The following ENOX1 variants were observed in gnomAD, a reference collection of about 807,000 sequenced individuals.
ENOX1 encodes ecto-NOX disulfide-thiol exchanger 1.
ENOX1 carries 42 observed loss-of-function variants against 82.5 expected under a neutral mutation model. The observed-to-expected ratio is 0.51, with a 90% CI of 0.40 to 0.66. ENOX1 has a LOEUF of 0.66. Ranked by LOEUF, ENOX1 falls within the 30% of genes least tolerant of loss-of-function variation. The pLI is 0.00. For missense variants in ENOX1, 608 were observed against 811.6 expected (o/e 0.75, Z 3.05); for synonymous variants, 271 against 282.2 (o/e 0.96, Z 0.40).
intron 11 of ENOX1, among the ~76,000 whole-genome samples, chr13:43,307,724 G>A (rs2046946917): frequency 6.6e-6 from 1 of 152,176 alleles, no homozygotes; most frequent in Admixed American, 6.5e-5. Context: ...ATGACACTGT[G>A]ACTGAATGCT....
intron 5 of ENOX1, among the ~76,000 whole-genome samples, chr13:43,403,578 C>T (rs548623742): frequency 2.0e-5 from 3 of 152,282 alleles, no homozygotes; most frequent in Admixed American, 2.0e-4. Context: ...TGCAGTGGCT[C>T]ACACCTGTAA....
At chr13:43,564,496 T>C (rs2079832737) in intron 2 of ENOX1, among the ~76,000 whole-genome samples, 1 of 152,032 alleles carries the variant, frequency 6.6e-6, no homozygotes, top group Admixed American at 6.6e-5. Flanking sequence ...AGGCCTAAAA[T>C]AAACAAAATC....
chr13:43,625,311 CT>C (rs141912006), intron 2 of ENOX1, among the ~76,000 whole-genome samples: 1,744 of 152,024 alleles, frequency 0.011, 38 homozygotes, highest in African/African-American at 0.04. Flanking sequence ...CAGATAAAAA[CT>C]TTTTTTCTTC....
intron 3 of ENOX1, among the ~76,000 whole-genome samples, chr13:43,482,663 A>AC (rs397821556): frequency 6.6e-6 from 1 of 151,280 alleles, no homozygotes; most frequent in Non-Finnish European, 1.5e-5. Context: ...GAAAAAAAAA[A>AC]CTAAGAAAAA....
chr13:43,732,304 C>T (rs773054049), intron 1 of ENOX1, among the ~76,000 whole-genome samples: 2 of 152,190 alleles, frequency 1.3e-5, no homozygotes, highest in African/African-American at 4.8e-5. Flanking sequence ...GTCTTCCTCA[C>T]TCCTTATGAC....
At chr13:43,330,926 G>A (rs752283621) in intron 9 of ENOX1, among the ~76,000 whole-genome samples, 1 of 151,916 alleles carries the variant, frequency 6.6e-6, no homozygotes, top group Non-Finnish European at 1.5e-5. Flanking sequence ...AACTTTTTTT[G>A]CACTTTTCCC....
At chr13:43,300,486 C>G (rs916700659) in intron 11 of ENOX1, among the ~76,000 whole-genome samples, 1 of 152,102 alleles carries the variant, frequency 6.6e-6, no homozygotes, top group Non-Finnish European at 1.5e-5. Context: ...AAGATGAAAA[C>G]CCCAAGAACT....
chr13:43,332,176 G>GT lies in ENOX1; in HGVS notation c.1037-5652dup, dbSNP rs201814498. On this transcript the variant is annotated intron_variant, in intron 9 of 16. Transcript: ENST00000690772. ...TTGCTTTTAGGGCAGCATCCCCAAC[G>GT]TTTTTGGCACCAGGAAATGGTTCTG... Among the ~76,000 whole-genome samples the GT allele has an allele frequency of 4.6e-3, 696 of 152,232 alleles. 29 individuals carry two copies. The highest frequency in any genetic ancestry group is 0.04 in the Admixed American group (611 of 15,298).
intron 1 of ENOX1, among the ~76,000 whole-genome samples, chr13:43,745,050 C>G (rs1949946064): frequency 2.6e-5 from 4 of 152,152 alleles, no homozygotes. Context: ...TAGGAGTATG[C>G]TGGGCCTTGA....
At chr13:43,361,977 TAAA>T (rs10716300) in intron 5 of ENOX1, among the ~76,000 whole-genome samples, 37 of 128,610 alleles carry the variant, frequency 2.9e-4, no homozygotes, top group Non-Finnish European at 3.5e-4. Context: ...TCCCCTGGAA[TAAA>T]AAAAAAAAAA....
intron 16 of ENOX1, among the ~76,000 whole-genome samples, chr13:43,216,207 T>A (rs2041474573): frequency 6.6e-6 from 1 of 151,152 alleles, no homozygotes; most frequent in Non-Finnish European, 1.5e-5. Context: ...CAAAAAAAAA[T>A]GGGGACTTAA....
At chr13:43,373,554 T>C (rs193227507) in intron 5 of ENOX1, among the ~76,000 whole-genome samples, 2 of 152,282 alleles carry the variant, frequency 1.3e-5, no homozygotes, top group East Asian at 1.9e-4. Context: ...AATGATTATG[T>C]CTATTTTGAG....
intron 1 of ENOX1, among the ~76,000 whole-genome samples, chr13:43,757,952 TG>T: frequency 6.6e-6 from 1 of 152,012 alleles, no homozygotes; most frequent in Non-Finnish European, 1.5e-5. Context: ...CTCAACAGAT[TG>T]GCCGGGTGCG....
chr13:43,710,279 T>A (rs1205356395), intron 1 of ENOX1, among the ~76,000 whole-genome samples: 1 of 152,102 alleles, frequency 6.6e-6, no homozygotes, highest in African/African-American at 2.4e-5. Context: ...ATAACATATT[T>A]CCTAATAATT....
At chr13:43,463,578 C>A (rs1181743205) in intron 3 of ENOX1, among the ~76,000 whole-genome samples, 3 of 152,124 alleles carry the variant, frequency 2.0e-5, no homozygotes, top group African/African-American at 7.2e-5. Flanking sequence ...CTTCAAACAC[C>A]AGCAGACTGA....
intron 5 of ENOX1, among the ~76,000 whole-genome samples, chr13:43,408,710 G>A (rs182742149): frequency 1.3e-5 from 2 of 152,102 alleles, no homozygotes; most frequent in Non-Finnish European, 2.9e-5. Flanking sequence ...CATAAGAACT[G>A]AAACAATGTG....
chr13:43,680,947 G>A (rs887021635), intron 1 of ENOX1, among the ~76,000 whole-genome samples: 1 of 152,084 alleles, frequency 6.6e-6, no homozygotes, highest in African/African-American at 2.4e-5. Flanking sequence ...AGAGAATGGA[G>A]GTGTGAAGAA....
intron 14 of ENOX1, among the ~76,000 whole-genome samples, chr13:43,251,961 G>A (rs2043483097): frequency 1.3e-5 from 2 of 152,192 alleles, no homozygotes; most frequent in South Asian, 2.1e-4. Flanking sequence ...GTGCGTGTGT[G>A]TAGTGAGGGG....
chr13:43,258,391 G>T (rs1186036974), intron 14 of ENOX1, among the ~76,000 whole-genome samples: 2 of 152,184 alleles, frequency 1.3e-5, no homozygotes, highest in Non-Finnish European at 2.9e-5. Flanking sequence ...AGAAAATGTG[G>T]TGAAACAGCT....
Sources: allele counts gnomAD v4.1 joint callset (sites outside exome capture counted in the v4.1 genomes callset), GRCh38; gene constraint gnomAD v4.1.1; transcripts MANE v1.5; gene names NCBI Gene and HGNC (gene_info 2026-07-23, HGNC 2026-07-21).